BIN3: variants seen among roughly 807,000 people sequenced by gnomAD.
The protein encoded by BIN3 is bridging integrator 3.
A neutral mutation model predicts 38.2 loss-of-function variants in BIN3; 41 were observed. That is an observed-to-expected ratio of 1.07 (90% CI 0.84 to 1.39). BIN3 has a LOEUF of 1.39. Among genes scored for constraint, BIN3 ranks in the 40% most tolerant of loss-of-function variants. The probability of loss-of-function intolerance (pLI) is 0.00; values close to 1 mark genes in which losing one functional copy is unlikely to be tolerated. For missense variants in BIN3, 361 were observed against 324.3 expected, an observed-to-expected ratio of 1.11 and a Z score of -0.87; for synonymous variants, 145 against 122.6, an observed-to-expected ratio of 1.18 and a Z score of -1.21.
intron 2 of BIN3, among the ~76,000 whole-genome samples, chr8:22,643,125 TC>T (rs1358244130): frequency 1.3e-5 from 2 of 152,194 alleles, no homozygotes; most frequent in Admixed American, 1.3e-4. Flanking sequence ...TGAAACCACT[TC>T]CCTTTCAGAT....
intron 6 of BIN3, 76 bp downstream of exon 6, chr8:22,629,888 C>T: frequency 1.4e-6 from 2 of 1,384,860 alleles, no homozygotes; most frequent in African/African-American, 1.4e-5. Context: ...AGCTAGAAAT[C>T]CTCTTCAGTC....
chr8:22,624,141 C>G, intron 7 of BIN3, 81 bp downstream of exon 7: 1 of 1,587,254 alleles, frequency 6.3e-7, no homozygotes, highest in Non-Finnish European at 8.6e-7. Context: ...TCTTGGTGCC[C>G]CCAGGTGAGG....
At chr8:22,651,009 C>A (rs1378621606) in intron 1 of BIN3, among the ~76,000 whole-genome samples, 1 of 152,158 alleles carries the variant, frequency 6.6e-6, no homozygotes, top group African/African-American at 2.4e-5. Flanking sequence ...AGCTTTAGGG[C>A]ATAGCAGTTG....
At chr8:22,627,208 T>C (rs986741727) in intron 6 of BIN3, among the ~76,000 whole-genome samples, 2 of 151,940 alleles carry the variant, frequency 1.3e-5, no homozygotes, top group African/African-American at 4.8e-5. Context: ...GGTCCTGGGA[T>C]TGGGATTCCC....
intron 1 of BIN3, among the ~76,000 whole-genome samples, chr8:22,667,299 T>C (rs1321698589): frequency 6.6e-6 from 1 of 152,180 alleles, no homozygotes; most frequent in East Asian, 1.9e-4. Context: ...TGGGCTACTA[T>C]TTTTTCAGAA....
chr8:22,632,086 T>C (rs1382282654), intron 4 of BIN3, among the ~76,000 whole-genome samples: 2 of 152,210 alleles, frequency 1.3e-5, no homozygotes, highest in Non-Finnish European at 2.9e-5. Flanking sequence ...ATAAGTCACT[T>C]ATTGTATGAA....
At chr8:22,649,178 C>G (rs571128083) in intron 1 of BIN3, among the ~76,000 whole-genome samples, 1 of 152,176 alleles carries the variant, frequency 6.6e-6, no homozygotes, top group African/African-American at 2.4e-5. Flanking sequence ...CTGTCCCAAA[C>G]TGGGACATTT....
chr8:22,660,053 A>G (rs1438799867), intron 1 of BIN3, among the ~76,000 whole-genome samples: 1 of 152,148 alleles, frequency 6.6e-6, no homozygotes, highest in Non-Finnish European at 1.5e-5. Flanking sequence ...ACCGTGATGC[A>G]CCACCACCAG....
chr8:22,629,748 T>C (rs1585180778), intron 6 of BIN3: 1 of 584,650 alleles, frequency 1.7e-6, no homozygotes, highest in East Asian at 2.8e-5. Context: ...GTGGCAGGGG[T>C]ACCCTGAGCT....
In BIN3 at chr8:22,630,437, G is replaced by C. The variant is rs77509180; in HGVS notation, c.297+5C>G. On this transcript the variant is annotated splice_donor_5th_base_variant and intron_variant, in intron 5 of 8. Transcript: ENST00000276416. ...CTTGCCCACCCCACACCAAGACCTAGTCACCTTTTCCTGATTGAAGGCATC... is the reference window on the plus strand; with the variant it reads ...CTTGCCCACCCCACACCAAGACCTACTCACCTTTTCCTGATTGAAGGCATC... 4 of 1,613,834 alleles carry C rather than the reference G, an allele frequency of 2.5e-6. No homozygotes were observed. The highest frequency in any genetic ancestry group is 3.4e-6 in the Non-Finnish European group (4 of 1,179,806).
intron 8 of BIN3, chr8:22,622,661 C>T (rs1360983562): frequency 1.3e-5 from 2 of 152,312 alleles, no homozygotes; most frequent in African/African-American, 4.8e-5. Flanking sequence ...CTGCTCCAAC[C>T]TGGACACGCG....
chr8:22,668,977 T>C, intron 1 of BIN3, 67 bp downstream of exon 1: 1 of 1,549,996 alleles, frequency 6.5e-7, no homozygotes, highest in Non-Finnish European at 8.7e-7. Flanking sequence ...GACGCGGCAC[T>C]GACACAGGGC....
chr8:22,622,608 C>T (rs1214218504), intron 8 of BIN3: 6 of 152,402 alleles, frequency 3.9e-5, no homozygotes, highest in Non-Finnish European at 8.8e-5. Flanking sequence ...GTCAACAGCC[C>T]CCAGCAATGC....
chr8:22,628,129 G>C (rs1585179400), intron 6 of BIN3, among the ~76,000 whole-genome samples: 1 of 152,242 alleles, frequency 6.6e-6, no homozygotes, highest in South Asian at 2.1e-4. Flanking sequence ...GGTGGGGAAT[G>C]CCTGCCATGC....
At chr8:22,630,749 T>C (rs889587116) in intron 4 of BIN3, among the ~76,000 whole-genome samples, 171 bp from the exon 5 acceptor site, 6 of 152,188 alleles carry the variant, frequency 3.9e-5, no homozygotes, top group Non-Finnish European at 5.9e-5. Context: ...CTGATCCCCA[T>C]GGTTTAATGT....
chr8:22,627,185 T>TG (rs1477491650), intron 6 of BIN3, among the ~76,000 whole-genome samples: 8 of 151,960 alleles, frequency 5.3e-5, no homozygotes, highest in Non-Finnish European at 1.2e-4. Context: ...ACAACCACGG[T>TG]GGGGGGAGGT....
At chr8:22,642,487 G>C (rs1802595155) in intron 2 of BIN3, among the ~76,000 whole-genome samples, 2 of 152,204 alleles carry the variant, frequency 1.3e-5, no homozygotes, top group Non-Finnish European at 2.9e-5. Context: ...GAGATCAAAG[G>C]CCCAGCCGAC....
intron 1 of BIN3, among the ~76,000 whole-genome samples, chr8:22,667,730 G>T (rs1429360356): frequency 6.6e-6 from 1 of 152,126 alleles, no homozygotes; most frequent in Non-Finnish European, 1.5e-5. Context: ...CTCCTGCCGG[G>T]GCTTATTAGG....
intron 6 of BIN3, 178 bp from the exon 7 acceptor site, chr8:22,624,541 C>A (rs1000945905): frequency 1.4e-6 from 1 of 727,818 alleles, no homozygotes; most frequent in South Asian, 1.9e-5. Context: ...CCAGACCCTG[C>A]TCTAGGTCTT....
Sources: allele counts gnomAD v4.1 joint callset (sites outside exome capture counted in the v4.1 genomes callset), GRCh38; gene constraint gnomAD v4.1.1; transcripts MANE v1.5; gene names NCBI Gene and HGNC (gene_info 2026-07-23, HGNC 2026-07-21).